ZNF552: variants seen among roughly 807,000 people sequenced by gnomAD.
ZNF552 encodes zinc finger protein 552.
ZNF552 carries 2 observed loss-of-function variants against 7.2 expected under a neutral mutation model. The ratio of observed to expected loss-of-function variants is 0.28; its 90% CI spans 0.11 to 0.88. ZNF552 has a LOEUF of 0.88. Among genes scored for constraint, ZNF552 ranks in the 40% least tolerant of loss-of-function variants. The pLI is 0.60. For missense variants in ZNF552, 421 were observed against 493.4 expected, an observed-to-expected ratio of 0.85 and a Z score of 1.39; for synonymous variants, 173 against 176.5, an observed-to-expected ratio of 0.98 and a Z score of 0.16.
rs1199328886 is a variant in ZNF552, at chr19:57,814,871, G to A, written c.-128C>T. ...CAGTCACCACCACGGTCCCAACACA[G>A]CGCTCCAAGGACTCCCTAACGCCAA... On this transcript the variant is annotated 5_prime_UTR_variant, in exon 1 of 3. Coordinates refer to ENST00000391701, the MANE Select transcript of ZNF552 (RefSeq NM_024762.3). 4 of 974,746 alleles carry A rather than the reference G, an allele frequency of 4.1e-6. No individual in the cohort carries two copies. In the African/African-American group the frequency reaches 4.9e-5, roughly 12 times the overall value. The allele number at this position is 974,746 out of a possible 1,614,324, so 60.4% of individuals were successfully genotyped here.
intron 2 of ZNF552, among the ~76,000 whole-genome samples, chr19:57,811,298 C>G (rs1441222879): frequency 6.6e-6 from 1 of 152,048 alleles, no homozygotes; most frequent in African/African-American, 2.4e-5. Flanking sequence ...TCAGCCTCTC[C>G]GAGTAGCTGG....
At chr19:57,814,417 C>A in intron 1 of ZNF552, 1 of 1,159,372 alleles carries the variant, frequency 8.6e-7, no homozygotes, top group Non-Finnish European at 1.2e-6. Context: ...AGCCTCCTTG[C>A]TTTTCCAGGA....
chr19:57,810,809 T>C (rs1490280056), intron 2 of ZNF552, among the ~76,000 whole-genome samples: 2 of 152,148 alleles, frequency 1.3e-5, no homozygotes, highest in Non-Finnish European at 2.9e-5. Flanking sequence ...CCCTGGGCAA[T>C]GGAATGTCTG....
intron 2 of ZNF552, chr19:57,809,358 G>A: frequency 1.4e-6 from 1 of 703,402 alleles, no homozygotes. Context: ...TACAATCCCT[G>A]CATCTGCAAA....
chr19:57,814,497 C>A, intron 1 of ZNF552: 1 of 1,535,664 alleles, frequency 6.5e-7, no homozygotes, highest in Non-Finnish European at 8.7e-7. Flanking sequence ...CCGGATCCGT[C>A]CATCTCCAGG....
chr19:57,808,691 G>C lies in ZNF552; in HGVS notation c.573C>G (p.His191Gln). The change falls in exon 3 of 3, where the codon CAC becomes CAG. Residue 191 changes from histidine (H) to glutamine (Q), a missense_variant. This residue lies in a region of ZNF552 where 299 missense variants were observed against 293.7 expected (regional missense o/e 1.02). Coordinates refer to ENST00000391701, the MANE Select transcript of ZNF552 (RefSeq NM_024762.3). ...RSGLLQQEAT[H>Q]TGKSNSKTEC... ...CAGTTTTGCTGTTTGACTTCCCAGTGTGAGTGGCCTCTTGCTGGAGTAATC... is the reference window on the plus strand; with the variant it reads ...CAGTTTTGCTGTTTGACTTCCCAGTCTGAGTGGCCTCTTGCTGGAGTAATC... The C allele has an allele frequency of 6.2e-7, 1 of 1,614,208 alleles. No homozygotes were observed. The highest frequency in any genetic ancestry group is 8.5e-7 in the Non-Finnish European group (1 of 1,180,034).
intron 2 of ZNF552, among the ~76,000 whole-genome samples, chr19:57,810,704 G>A (rs1987837638): frequency 6.6e-6 from 1 of 152,140 alleles, no homozygotes; most frequent in South Asian, 2.1e-4. Flanking sequence ...AGACCTGACA[G>A]CCCGACGCCA....
intron 1 of ZNF552, 113 bp from the exon 2 acceptor site, chr19:57,813,533 A>G: frequency 7.2e-7 from 1 of 1,394,776 alleles, no homozygotes; most frequent in Non-Finnish European, 9.8e-7. Flanking sequence ...CCTCAAACAT[A>G]GGAGAAACTA....
intron 2 of ZNF552, chr19:57,809,397 T>A: frequency 1.6e-6 from 1 of 615,016 alleles, no homozygotes; most frequent in Non-Finnish European, 2.9e-6. Context: ...TATGTCCTCA[T>A]GACATGCGAG....
intron 1 of ZNF552, 69 bp downstream of exon 1, chr19:57,814,642 G>A (rs1568491914): frequency 3.1e-6 from 5 of 1,612,642 alleles, no homozygotes; most frequent in East Asian, 4.5e-5. Context: ...AACAGGTGCC[G>A]CTCCCTCGCT....
intron 1 of ZNF552, among the ~76,000 whole-genome samples, chr19:57,813,815 G>A (rs902061191): frequency 2.8e-5 from 4 of 143,562 alleles, no homozygotes; most frequent in African/African-American, 1.0e-4. Context: ...CGCGATCTCG[G>A]CTCACGCAAC....
At chr19:57,809,902 C>G (rs772211530) in intron 2 of ZNF552, among the ~76,000 whole-genome samples, 3 of 150,412 alleles carry the variant, frequency 2.0e-5, no homozygotes, top group Non-Finnish European at 4.4e-5. Context: ...AGGGATCACT[C>G]AGGCCCAGGA....
chr19:57,812,028 C>CAAA (rs35699223), intron 2 of ZNF552, among the ~76,000 whole-genome samples: 3,894 of 63,542 alleles, frequency 0.061, 198 homozygotes, highest in Non-Finnish European at 0.078. Flanking sequence ...GACTCTGTCT[C>CAAA]AAAAAAAAAA....
chr19:57,811,679 C>T (rs1192407545), intron 2 of ZNF552, among the ~76,000 whole-genome samples: 2 of 137,726 alleles, frequency 1.5e-5, no homozygotes, highest in Non-Finnish European at 3.0e-5. Flanking sequence ...CGCACCATTG[C>T]GCTCCAGCCT....
chr19:57,813,734 CTTTTTTTTTTTTTTT>C (rs528034833), intron 1 of ZNF552, among the ~76,000 whole-genome samples: 1 of 86,244 alleles, frequency 1.2e-5, no homozygotes, highest in African/African-American at 5.4e-5. Context: ...GCACCTCATT[CTTTTTTTTTTTTTTT>C]TTTTTTTTTT....
chr19:57,813,622 T>C (rs771955151), intron 1 of ZNF552, among the ~76,000 whole-genome samples: 4 of 151,570 alleles, frequency 2.6e-5, no homozygotes, highest in Non-Finnish European at 5.9e-5. Context: ...GGCTGTGATA[T>C]AAGAGTCCAC....
intron 1 of ZNF552, 78 bp from the exon 2 acceptor site, chr19:57,813,498 C>T (rs563932169): frequency 2.3e-5 from 35 of 1,508,590 alleles, no homozygotes; most frequent in African/African-American, 9.7e-5. Context: ...CACACATCTA[C>T]TCTCGCACAT....
intron 2 of ZNF552, among the ~76,000 whole-genome samples, chr19:57,810,195 T>C (rs1411782736): frequency 6.7e-6 from 1 of 149,594 alleles, no homozygotes; most frequent in Non-Finnish European, 1.5e-5. Context: ...AAGGGCCAGG[T>C]GTCGTGGGTC....
Position 57,808,586 on chromosome 19 carries a change from T to G in ZNF552, c.678A>C (p.Ile226=). The part of the protein sequence containing the change: ...GCMKHFSTKD[I]LSQHERLLPT... ...GGAGCAGTCTCTCGTGCTGACTGAGTATATCTTTGGTGCTAAAATGTTTCA... is the reference window on the plus strand; with the variant it reads ...GGAGCAGTCTCTCGTGCTGACTGAGGATATCTTTGGTGCTAAAATGTTTCA... Residue 226 remains isoleucine, a synonymous_variant, in exon 3 of 3, where the codon ATA becomes ATC. Coordinates refer to ENST00000391701, the MANE Select transcript of ZNF552 (RefSeq NM_024762.3). The G allele has an allele frequency of 6.2e-7, 1 of 1,613,806 alleles. No individual in the cohort carries two copies. Among genetic ancestry groups the G allele is most frequent in the East Asian group, 2.2e-5 (1 of 44,882 alleles).
Sources: allele counts gnomAD v4.1 joint callset (sites outside exome capture counted in the v4.1 genomes callset), GRCh38; gene constraint gnomAD v4.1.1; regional missense constraint gnomAD v4.1.1; transcripts MANE v1.5; gene names NCBI Gene and HGNC (gene_info 2026-07-23, HGNC 2026-07-21).